Variants in MGAT4A observed in about 807,000 individuals in gnomAD.
MGAT4A encodes the protein alpha-1,3-mannosyl-glycoprotein 4-beta-N-acetylglucosaminyltransferase A, also known as N-acetylglucosaminyltransferase IVa.
Under a neutral mutation model 74.1 loss-of-function variants are expected in MGAT4A, and 33 were observed. The observed-to-expected ratio is 0.45, with a 90% CI of 0.34 to 0.60. The LOEUF is 0.60. MGAT4A is among the 20% of genes least tolerant of loss of function. The pLI is 0.02. For synonymous variants in MGAT4A, 198 were observed against 210.4 expected (o/e 0.94, Z 0.51); for missense variants, 479 against 628.3 (o/e 0.76, Z 2.54).
chr2:98,727,777 A>G (rs1702786820), intron 1 of MGAT4A, among the ~76,000 whole-genome samples: 1 of 152,228 alleles, frequency 6.6e-6, no homozygotes, highest in Non-Finnish European at 1.5e-5. Flanking sequence ...CCCCTAGTAA[A>G]GAAAGATCAC....
At chr2:98,689,253 C>T (rs555197868) in intron 2 of MGAT4A, among the ~76,000 whole-genome samples, 1 of 152,102 alleles carries the variant, frequency 6.6e-6, no homozygotes, top group African/African-American at 2.4e-5. Flanking sequence ...CCTTTTTGTA[C>T]CCAAAATGGC....
intron 14 of MGAT4A, among the ~76,000 whole-genome samples, chr2:98,630,726 T>G (rs1201315599): frequency 6.6e-6 from 1 of 152,200 alleles, no homozygotes; most frequent in Non-Finnish European, 1.5e-5. Flanking sequence ...CAGATATTGT[T>G]ATTTATGCAT....
chr2:98,674,938 A>AT, intron 4 of MGAT4A, 97 bp downstream of exon 4: 3 of 1,302,086 alleles, frequency 2.3e-6, no homozygotes, highest in Non-Finnish European at 3.2e-6. Context: ...AAGAACTTTC[A>AT]TTTTTTGACC....
intron 12 of MGAT4A, 111 bp downstream of exon 12, chr2:98,639,697 C>T: frequency 1.1e-6 from 1 of 875,434 alleles, no homozygotes; most frequent in Non-Finnish European, 1.7e-6. Context: ...ACATTTTGGG[C>T]CCCACTGTGT....
In MGAT4A at chr2:98,625,782, T is replaced by C. The variant is rs146695919; in HGVS notation, c.1522A>G (p.Ile508Val). Reference protein sequence around the residue: ...EGMVDPSLNPISAFRLSVIQN... With the variant: ...EGMVDPSLNPVSAFRLSVIQN... ...ATAACTGAAAGTCGAAAGGCTGAAA[T>C]GGGATTGAGACTTGGATCCACCATT... Residue 508 changes from isoleucine (I) to valine (V), a missense_variant, in exon 15 of 16, where the codon ATT becomes GTT. Transcript: ENST00000393487. 888 of 1,612,636 alleles carry C rather than the reference T, an allele frequency of 5.5e-4. 4 individuals carry two copies. The African/African-American group carries it at 8.1e-3, about 15-fold the overall frequency.
At position 98,675,142 on chromosome 2, in the gene MGAT4A, CTTGTTAACTCCT is replaced by C; in HGVS notation, c.284_295del (p.Lys95_Thr98del). ...ACTTGGCACTTGAAGAGATTTTTTG[CTTGTTAACTCCT>C]TTAACAGCTTTAGGGTATTATCTGA... On this transcript the variant is annotated inframe_deletion, in exon 4 of 16. Coordinates refer to ENST00000393487, the MANE Select transcript of MGAT4A (RefSeq NM_012214.3). 1 of 1,608,838 alleles carries C rather than the reference CTTGTTAACTCCT, an allele frequency of 6.2e-7. No individual in the cohort carries two copies. Among genetic ancestry groups the C allele is most frequent in the Non-Finnish European group, 8.5e-7 (1 of 1,176,412 alleles).
At chr2:98,702,251 C>CA (rs1223413046) in intron 2 of MGAT4A, among the ~76,000 whole-genome samples, 1 of 152,180 alleles carries the variant, frequency 6.6e-6, no homozygotes, top group Non-Finnish European at 1.5e-5. Flanking sequence ...CTAGCAAACT[C>CA]ACTGCCACTG....
At chr2:98,710,944 G>A (rs113203373) in intron 2 of MGAT4A, among the ~76,000 whole-genome samples, 1,654 of 152,056 alleles carry the variant, frequency 0.011, 24 homozygotes, top group African/African-American at 0.038. Context: ...TAAGAAGAAC[G>A]GCGGGTGGGG....
intron 2 of MGAT4A, among the ~76,000 whole-genome samples, chr2:98,693,011 T>C (rs1342815940): frequency 6.6e-6 from 1 of 152,020 alleles, no homozygotes; most frequent in Non-Finnish European, 1.5e-5. Flanking sequence ...ACACCACAAT[T>C]GAACGTTAGA....
At chr2:98,673,107 G>T (rs1246391726) in intron 4 of MGAT4A, among the ~76,000 whole-genome samples, 1 of 152,000 alleles carries the variant, frequency 6.6e-6, no homozygotes, top group East Asian at 1.9e-4. Context: ...TGTGGTGCTG[G>T]GTGGTGCGCC....
At chr2:98,730,390 CA>C (rs1233719668) in intron 1 of MGAT4A, 1 of 152,230 alleles carries the variant, frequency 6.6e-6, no homozygotes, top group Admixed American at 6.5e-5. Context: ...GCAGCTTCCT[CA>C]TTACGGAGAG....
chr2:98,650,246 G>T (rs1275630971), intron 8 of MGAT4A, among the ~76,000 whole-genome samples: 1 of 152,016 alleles, frequency 6.6e-6, no homozygotes, highest in Non-Finnish European at 1.5e-5. Flanking sequence ...AAAGAAAAAA[G>T]AATAACAGAA....
Position 98,645,470 on chromosome 2 carries a change from C to T in MGAT4A, c.847G>A (p.Glu283Lys), listed in dbSNP as rs1380380401. ...IKNFALQLSS[E>K]EWMILEFSQL... ...GAAAACTCTAGAATCATCCATTCCT[C>T]AGAAGAAAGTTGAAGTGCAAAATTT... Residue 283 changes from glutamate to lysine, a missense_variant, in exon 9 of 16, where the codon GAG becomes AAG. Physicochemically the swap from Glu to Lys is moderately conservative, Grantham distance 56. Around this residue, in one of 3 missense-constraint regions of MGAT4A, gnomAD observed 236 missense variants for 308.2 expected, o/e 0.77. Transcript: ENST00000393487. 1 of 1,593,296 alleles carries T rather than the reference C, an allele frequency of 6.3e-7. No individual in the cohort carries two copies. The highest frequency in any genetic ancestry group is 1.9e-5 in the Admixed American group (1 of 53,108).
At chr2:98,716,162 T>C (rs1403163413) in intron 2 of MGAT4A, among the ~76,000 whole-genome samples, 3 of 151,492 alleles carry the variant, frequency 2.0e-5, no homozygotes, top group African/African-American at 7.3e-5. Context: ...CTACAAAAAA[T>C]TTTTGCAATT....
rs1364618335 is a variant in MGAT4A at position 98,623,677 on chromosome 2, T to C, written c.*1889A>G. 3 of 985,420 alleles carry C rather than the reference T, an allele frequency of 3.0e-6. No individual in the cohort carries two copies. Among genetic ancestry groups the C allele is most frequent in the East Asian group, 2.3e-4 (2 of 8,824 alleles). The allele number at this position is 985,420 out of a possible 1,614,324, so 61.0% of individuals were successfully genotyped here. A position where few individuals can be genotyped will look rare whatever the true frequency, so the allele number is the denominator to read the frequency against. On this transcript the variant is annotated 3_prime_UTR_variant, in exon 16 of 16. Coordinates refer to ENST00000393487, the MANE Select transcript of MGAT4A (RefSeq NM_012214.3). ...ATAAAAATCATTTTTGGCAATGTGATTGACTTTTCAATCAAGAAAAGTAAC... is the reference window on the plus strand; with the variant it reads ...ATAAAAATCATTTTTGGCAATGTGACTGACTTTTCAATCAAGAAAAGTAAC...
rs1344120081 is a variant in MGAT4A, at chr2:98,619,113, T to C, written c.*6453A>G. 6.6e-6 allele frequency: 1 copy of C among 152,608 alleles called. No individual in the cohort carries two copies. The highest frequency in any genetic ancestry group is 1.5e-5 in the Non-Finnish European group (1 of 68,028). The allele number at this position is 152,608 out of a possible 1,614,324, so 9.5% of individuals were successfully genotyped here. A position where few individuals can be genotyped will look rare whatever the true frequency, so the allele number is the denominator to read the frequency against. ...ATAATAAAATACTACTCATTAAGTTTCACCTATTTTTATTAGAAGGAATCT... is the reference window on the plus strand; with the variant it reads ...ATAATAAAATACTACTCATTAAGTTCCACCTATTTTTATTAGAAGGAATCT... On this transcript the variant is annotated 3_prime_UTR_variant, in exon 16 of 16. Coordinates refer to ENST00000393487, the MANE Select transcript of MGAT4A (RefSeq NM_012214.3).
intron 1 of MGAT4A, among the ~76,000 whole-genome samples, chr2:98,729,132 CAAAGT>C (rs1702807212): frequency 6.7e-6 from 1 of 149,646 alleles, no homozygotes; most frequent in Non-Finnish European, 1.5e-5. Context: ...ACTCTAAAAC[CAAAGT>C]AAACTATTGA....
intron 4 of MGAT4A, among the ~76,000 whole-genome samples, chr2:98,673,341 G>A (rs909375198): frequency 1.3e-5 from 2 of 152,006 alleles, no homozygotes; most frequent in Non-Finnish European, 2.9e-5. Context: ...GATAAGTTCT[G>A]GGGTTCCATA....
At position 98,625,224 on chromosome 2, in the gene MGAT4A, C is replaced by A; in HGVS notation, c.*342G>T. On this transcript the variant is annotated 3_prime_UTR_variant, in exon 16 of 16. Transcript: ENST00000393487. ...TAAAATAAGTGAACCTCAAAAGTACCCCCTTCATAAAATGTATGTAACATT... is the reference window on the plus strand; with the variant it reads ...TAAAATAAGTGAACCTCAAAAGTACACCCTTCATAAAATGTATGTAACATT... The A allele has an allele frequency of 1.1e-6, 1 of 890,756 alleles. No individual in the cohort carries two copies. Among genetic ancestry groups the A allele is most frequent in the Non-Finnish European group, 1.4e-6 (1 of 739,436 alleles). The allele number at this position is 890,756 out of a possible 1,614,324, so 55.2% of individuals were successfully genotyped here.
Sources: gnomAD v4.1 joint callset for allele counts (sites outside exome capture counted in the v4.1 genomes callset) on GRCh38, gnomAD v4.1.1 for gene constraint, gnomAD v4.1.1 regional missense constraint, MANE v1.5 for transcripts, NCBI Gene and HGNC (gene_info 2026-07-23, HGNC 2026-07-21) for gene names.